EXOC6B: variants seen among roughly 807,000 people sequenced by gnomAD.
The protein encoded by EXOC6B is SEC15 homolog B.
A neutral mutation model predicts 113.5 loss-of-function variants in EXOC6B; 54 were observed. That is an observed-to-expected ratio of 0.48 (90% CI 0.38 to 0.60). The LOEUF (loss-of-function observed/expected upper bound fraction) is 0.60. EXOC6B is among the 20% of genes least tolerant of loss of function. The pLI is 0.00. For missense variants in EXOC6B, 797 were observed against 977.5 expected, an observed-to-expected ratio of 0.82 and a Z score of 2.46; for synonymous variants, 357 against 339.0, an observed-to-expected ratio of 1.05 and a Z score of -0.58.
At chr2:72,521,751 C>A (rs1701499032) in intron 8 of EXOC6B, among the ~76,000 whole-genome samples, 1 of 152,134 alleles carries the variant, frequency 6.6e-6, no homozygotes, top group Admixed American at 6.5e-5. Context: ...GGCTGGAGTG[C>A]AGTGGTGGGA....
chr2:72,697,153 T>TA (rs1677953635), intron 6 of EXOC6B, among the ~76,000 whole-genome samples: 2 of 150,874 alleles, frequency 1.3e-5, no homozygotes, highest in Non-Finnish European at 2.9e-5. Context: ...GATATAGATA[T>TA]GGGGTATACA....
chr2:72,759,757 T>A (rs770269756), intron 1 of EXOC6B, among the ~76,000 whole-genome samples: 1 of 152,142 alleles, frequency 6.6e-6, no homozygotes, highest in Non-Finnish European at 1.5e-5. Flanking sequence ...TCACAAAACA[T>A]CAAGTAGAGA....
At chr2:72,461,105 A>G (rs1697627997) in intron 18 of EXOC6B, among the ~76,000 whole-genome samples, 1 of 151,196 alleles carries the variant, frequency 6.6e-6, no homozygotes, top group Non-Finnish European at 1.5e-5. Context: ...AACTATGGCA[A>G]GGACAAAGAA....
chr2:72,187,099 G>A (rs1039067464), intron 20 of EXOC6B, among the ~76,000 whole-genome samples: 4 of 152,088 alleles, frequency 2.6e-5, no homozygotes, highest in South Asian at 2.1e-4. Context: ...TCCAGGTGCC[G>A]GCATGGGCAC....
At chr2:72,210,548 T>C (rs1359023809) in intron 20 of EXOC6B, among the ~76,000 whole-genome samples, 1 of 152,158 alleles carries the variant, frequency 6.6e-6, no homozygotes, top group African/African-American at 2.4e-5. Context: ...TGACCTGCCA[T>C]CTATTTCAAA....
chr2:72,563,071 T>C (rs1703980413), intron 7 of EXOC6B, among the ~76,000 whole-genome samples: 1 of 152,166 alleles, frequency 6.6e-6, no homozygotes, highest in Non-Finnish European at 1.5e-5. Context: ...TTACATTCTA[T>C]AACTAAGATA....
At chr2:72,759,334 G>A (rs1682613440) in intron 1 of EXOC6B, among the ~76,000 whole-genome samples, 1 of 152,130 alleles carries the variant, frequency 6.6e-6, no homozygotes, top group Non-Finnish European at 1.5e-5. Context: ...CTTTAACCTT[G>A]TTACTTAGCT....
At chr2:72,505,853 TG>T (rs1254100516) in intron 11 of EXOC6B, among the ~76,000 whole-genome samples, 6 of 152,172 alleles carry the variant, frequency 3.9e-5, no homozygotes, top group Non-Finnish European at 7.4e-5. Flanking sequence ...AAGTTTATTG[TG>T]CATTTTATTA....
intron 1 of EXOC6B, among the ~76,000 whole-genome samples, chr2:72,756,439 C>G (rs1682417682): frequency 6.6e-6 from 1 of 152,062 alleles, no homozygotes; most frequent in Admixed American, 6.6e-5. Context: ...GGAGTGATGG[C>G]TCAAGAACAT....
At chr2:72,363,049 A>C (rs1351809780) in intron 19 of EXOC6B, among the ~76,000 whole-genome samples, 1 of 152,152 alleles carries the variant, frequency 6.6e-6, no homozygotes, top group Admixed American at 6.5e-5. Context: ...TTAGGCAATC[A>C]ACACCTGCTG....
Position 72,561,146 on chromosome 2 carries a change from A to G in EXOC6B, c.847-1625T>C, listed in dbSNP as rs146585641. The stretch of plus-strand genomic sequence containing the variant: ...TTGACAGAAAACCAGAGTCTATTTT[A>G]TCTTGCCAAAATATGAGGAAAATTT... On this transcript the variant is annotated intron_variant, in intron 7 of 21. Coordinates refer to ENST00000272427, the MANE Select transcript of EXOC6B (RefSeq NM_015189.3). 5.2e-3 allele frequency among the ~76,000 whole-genome samples: 786 copies of G among 152,194 alleles called. 21 individuals carry two copies. The highest frequency in any genetic ancestry group is 0.046 in the Admixed American group (695 of 15,272).
intron 20 of EXOC6B, among the ~76,000 whole-genome samples, chr2:72,197,886 A>T (rs915707007): frequency 6.6e-6 from 1 of 152,186 alleles, no homozygotes; most frequent in Admixed American, 6.5e-5. Context: ...AGGCATTCAC[A>T]TTTAGATGTT....
chr2:72,341,574 T>C (rs1300856203), intron 19 of EXOC6B, among the ~76,000 whole-genome samples: 1 of 152,166 alleles, frequency 6.6e-6, no homozygotes, highest in Non-Finnish European at 1.5e-5. Context: ...GATATGGACC[T>C]AACATTGGAA....
intron 6 of EXOC6B, among the ~76,000 whole-genome samples, chr2:72,613,622 T>C (rs1480928953): frequency 6.6e-6 from 1 of 151,882 alleles, no homozygotes; most frequent in African/African-American, 2.4e-5. Flanking sequence ...TTACTTAATA[T>C]CAAATGATAA....
intron 6 of EXOC6B, among the ~76,000 whole-genome samples, chr2:72,652,291 C>T (rs1338298798): frequency 2.6e-5 from 4 of 151,930 alleles, no homozygotes; most frequent in African/African-American, 9.7e-5. Context: ...AACCATCTGG[C>T]AACCATGCAG....
intron 18 of EXOC6B, among the ~76,000 whole-genome samples, chr2:72,443,626 A>G (rs1008919662): frequency 2.0e-5 from 3 of 152,240 alleles, no homozygotes; most frequent in East Asian, 1.9e-4. Flanking sequence ...TTCCAGTTCC[A>G]CATGGCTGGG....
intron 11 of EXOC6B, among the ~76,000 whole-genome samples, chr2:72,512,158 T>TC (rs1406289244): frequency 5.3e-5 from 8 of 152,100 alleles, no homozygotes; most frequent in Non-Finnish European, 8.8e-5. Context: ...CATTCTATTT[T>TC]CATTGTCTGC....
At chr2:72,776,976 C>A (rs1461179912) in intron 1 of EXOC6B, among the ~76,000 whole-genome samples, 3 of 152,146 alleles carry the variant, frequency 2.0e-5, no homozygotes, top group African/African-American at 7.2e-5. Context: ...AGCAGTGGAT[C>A]CTGTCTGTAA....
At chr2:72,483,059 C>A (rs1020649953) in intron 16 of EXOC6B, among the ~76,000 whole-genome samples, 16 of 152,132 alleles carry the variant, frequency 1.1e-4, no homozygotes, top group Non-Finnish European at 2.2e-4. Context: ...AAGACTACTA[C>A]GTCCTATAAA....
Sources: allele counts gnomAD v4.1 joint callset (sites outside exome capture counted in the v4.1 genomes callset), GRCh38; gene constraint gnomAD v4.1.1; transcripts MANE v1.5; gene names NCBI Gene and HGNC (gene_info 2026-07-23, HGNC 2026-07-21).